SFPQ: variants seen among roughly 807,000 people sequenced by gnomAD.
SFPQ encodes the protein splicing factor, proline- and glutamine-rich.
Under a neutral mutation model 72.9 loss-of-function variants are expected in SFPQ, and 11 were observed. That is an observed-to-expected ratio of 0.15 (90% confidence interval 0.09 to 0.25). SFPQ has a LOEUF of 0.25. SFPQ is among the 10% of genes least tolerant of loss of function. SFPQ has a pLI of 1.00. For missense variants in SFPQ, 847 were observed against 993.3 expected (o/e 0.85, Z 1.98); for synonymous variants, 506 against 367.3 (o/e 1.38, Z -4.32).
Position 35,190,714 on chromosome 1 carries a change from T to C in SFPQ, c.1299A>G (p.Glu433=). Residue 433 remains glutamate (E), a synonymous_variant, in exon 3 of 10, where the codon GAA becomes GAG. Transcript: ENST00000357214. ...AARKAFERCS[E]GVFLLTTTPR... is the part of the protein sequence containing the mutation. Reference sequence around the variant, plus strand: ...CTTACGTCGTCAGTAAGAAAACACCTTCACTGCATCGTTCAAATGCCTTTC... The same window carrying C: ...CTTACGTCGTCAGTAAGAAAACACCCTCACTGCATCGTTCAAATGCCTTTC... 3 of 1,614,052 alleles carry C rather than the reference T, an allele frequency of 1.9e-6. No individual in the cohort carries two copies. The South Asian group carries it at 3.3e-5, about 18-fold the overall frequency.
downstream of SFPQ, chr1:35,178,495 A>T (rs112764313): frequency 9.4e-7 from 1 of 1,063,002 alleles, no homozygotes; most frequent in South Asian, 4.5e-5. Context: ...AGAGTGCCCA[A>T]CTCCCCTTCC....
chr1:35,190,426 G>T, intron 4 of SFPQ, 72 bp downstream of exon 4: 2 of 1,092,330 alleles, frequency 1.8e-6, no homozygotes, highest in Non-Finnish European at 2.7e-6. Context: ...AAGCAAAATT[G>T]GAAAATCACT....
chr1:35,178,012 ATCAG>A, downstream of SFPQ: 1 of 1,296,398 alleles, frequency 7.7e-7, no homozygotes, highest in Non-Finnish European at 1.0e-6. Flanking sequence ...GCACTCCAAT[ATCAG>A]CCAACATCAA....
Position 35,184,261 on chromosome 1 carries a change from GAAAA to G in SFPQ, c.*191_*194del, listed in dbSNP as rs1040360248. The G allele has an allele frequency of 1.6e-5, 22 of 1,343,758 alleles. No homozygotes were observed. The highest frequency in any genetic ancestry group is 1.9e-5 in the Non-Finnish European group (20 of 1,056,216). The allele number at this position is 1,343,758 out of a possible 1,614,324, so 83.2% of individuals were successfully genotyped here. On this transcript the variant is annotated 3_prime_UTR_variant, in exon 10 of 10. Coordinates refer to ENST00000357214, the MANE Select transcript of SFPQ (RefSeq NM_005066.3). ...AAAGAAAAAATAAAGAAATAAAAAGGAAAAAAAAATTCTCCTGTTCCAAACACTG... is the reference window on the plus strand; with the variant it reads ...AAAGAAAAAATAAAGAAATAAAAAGGAAAAATTCTCCTGTTCCAAACACTG...
downstream of SFPQ, chr1:35,178,181 A>G: frequency 9.4e-7 from 1 of 1,062,438 alleles, no homozygotes; most frequent in Non-Finnish European, 1.1e-6. Context: ...ATAGGAAGAA[A>G]CTTCATGGTG....
At chr1:35,179,461 A>G, downstream of SFPQ, 1 of 1,056,098 alleles carries the variant, frequency 9.5e-7, no homozygotes, top group South Asian at 4.6e-5. Flanking sequence ...TGAACCCAAG[A>G]CTGTTCTCAT....
At position 35,183,130 on chromosome 1, in the gene SFPQ, G is replaced by A; in HGVS notation, c.*1326C>T. ...AGAAGAGAACCAATAGATTTTTATA[G>A]TCCTATAGATTTTGCCCAACAGAAG... On this transcript the variant is annotated 3_prime_UTR_variant, in exon 10 of 10. Transcript: ENST00000357214. 1 of 1,026,736 alleles carries A rather than the reference G, an allele frequency of 9.7e-7. No individual in the cohort carries two copies. The allele number at this position is 1,026,736 out of a possible 1,614,324, so 63.6% of individuals were successfully genotyped here. A position where few individuals can be genotyped will look rare whatever the true frequency, so the allele number is the denominator to read the frequency against.
At chr1:35,181,698 G>A, downstream of SFPQ, 1 of 1,060,768 alleles carries the variant, frequency 9.4e-7, no homozygotes, top group Non-Finnish European at 1.1e-6. Flanking sequence ...GGGACAAGTG[G>A]TTTCTTTAAA....
intron 2 of SFPQ, 123 bp downstream of exon 2, chr1:35,191,218 G>T: frequency 1.1e-6 from 1 of 904,962 alleles, no homozygotes; most frequent in Non-Finnish European, 1.7e-6. Flanking sequence ...CTGTAAGAAT[G>T]GTGAAAAATC....
chr1:35,191,263 C>G, intron 2 of SFPQ, 78 bp downstream of exon 2: 1 of 1,231,076 alleles, frequency 8.1e-7, no homozygotes, highest in Non-Finnish European at 1.2e-6. Context: ...GTTTAAAAAC[C>G]AAGCCTTCAG....
chr1:35,180,530 G>C (rs967968668), downstream of SFPQ: 1 of 1,049,692 alleles, frequency 9.5e-7, no homozygotes, highest in African/African-American at 1.7e-5. Context: ...GACACATTTA[G>C]ACAAGTCCCA....
chr1:35,192,212 AG>A lies in SFPQ; in HGVS notation c.828+9del. 7.0e-7 allele frequency: 1 copy of A among 1,432,594 alleles called. No homozygotes were observed. Among genetic ancestry groups the A allele is most frequent in the East Asian group, 3.5e-5 (1 of 28,890 alleles). The allele number at this position is 1,432,594 out of a possible 1,614,324, so 88.7% of individuals were successfully genotyped here. On this transcript the variant is annotated intron_variant, in intron 1 of 9. Transcript: ENST00000357214. The stretch of plus-strand genomic sequence containing the variant: ...AGGGGAGCCGACGCGTCGCTCCCAT[AG>A]ACACTCACCTCCGAGTCCGAGATCT...
intron 7 of SFPQ, 40 bp from the exon 8 acceptor site, chr1:35,187,291 C>A (rs762469692): frequency 6.3e-7 from 1 of 1,576,266 alleles, no homozygotes; most frequent in East Asian, 2.2e-5. Context: ...CTGCACTATA[C>A]CCACAGCAAG....
In SFPQ at chr1:35,190,509, T is replaced by G. The variant is rs1460768892; in HGVS notation, c.1404A>C (p.Pro468=). The change falls in exon 4 of 10, where the codon CCA becomes CCC. Residue 468 remains proline, a synonymous_variant. Transcript: ENST00000357214. ...GLPEKLAQKN[P]MYQKERETPP... The stretch of plus-strand genomic sequence containing the variant: ...TTAATCAATCTTACTTTTGATACAT[T>G]GGATTCTTCTGGGCAAGTTTTTCAG... 1 of 1,609,350 alleles carries G rather than the reference T, an allele frequency of 6.2e-7. No homozygotes were observed.
At chr1:35,178,576 C>T (rs1639341097), downstream of SFPQ, 2 of 1,058,678 alleles carry the variant, frequency 1.9e-6, no homozygotes, top group South Asian at 9.1e-5. Flanking sequence ...CATCTAAGTC[C>T]TCACTGAGTT....
In SFPQ at chr1:35,192,229, T is replaced by G; in HGVS notation, c.821A>C (p.Asp274Ala). 1 of 1,458,624 alleles carries G rather than the reference T, an allele frequency of 6.9e-7. No homozygotes were observed. Among genetic ancestry groups the G allele is most frequent in the South Asian group, 1.3e-5 (1 of 76,542 alleles). 90.4% of individuals were successfully genotyped at this position (1,458,624 alleles called of 1,614,324 possible). Residue 274 changes from aspartate (D) to alanine (A), a missense_variant, in exon 1 of 10, where the codon GAC (aspartate) becomes GCC (alanine). Transcript: ENST00000357214. ...PGGRSEEKIS[D>A]SEGFKANLSL... ...GCTCCCATAGACACTCACCTCCGAG[T>G]CCGAGATCTTCTCCTCGCTGCGGCC...
chr1:35,189,990 G>C (rs779875783), intron 4 of SFPQ, among the ~76,000 whole-genome samples: 3 of 152,024 alleles, frequency 2.0e-5, no homozygotes, highest in Non-Finnish European at 4.4e-5. Context: ...AGCCAGGCAC[G>C]GTGCATCATG....
chr1:35,188,989 A>G lies in SFPQ; in HGVS notation c.1697+14T>C, dbSNP rs1301685760. Reference sequence around the variant, plus strand: ...AAAAATAAATGAAGGCTTAAACCTTAAACACAATTTTACCTCAATTGCATT... The same window carrying G: ...AAAAATAAATGAAGGCTTAAACCTTGAACACAATTTTACCTCAATTGCATT... On this transcript the variant is annotated intron_variant, in intron 6 of 9. Transcript: ENST00000357214. 2 of 1,600,460 alleles carry G rather than the reference A, an allele frequency of 1.2e-6. No homozygotes were observed. Among genetic ancestry groups the G allele is most frequent in the African/African-American group, 2.7e-5 (2 of 74,604 alleles).
chr1:35,192,384 C>A lies in SFPQ; in HGVS notation c.666G>T (p.Pro222=). The change falls in exon 1 of 10, where the codon CCG becomes CCT. Residue 222 remains proline, a synonymous_variant. Transcript: ENST00000357214. Reference sequence around the variant, plus strand: ...GGTGGCCGCCAGGCGTACTTAGGCCCGGGCCGCCACCTGGCTTCGGCCCGC... The same window carrying A: ...GGTGGCCGCCAGGCGTACTTAGGCCAGGGCCGCCACCTGGCTTCGGCCCGC... ...MPGGPKPGGG[P]GLSTPGGHPK... The A allele has an allele frequency of 7.1e-7, 1 of 1,409,230 alleles. No individual in the cohort carries two copies. The highest frequency in any genetic ancestry group is 9.2e-7 in the Non-Finnish European group (1 of 1,091,426). 87.3% of individuals were successfully genotyped at this position (1,409,230 alleles called of 1,614,324 possible).
Sources: allele counts gnomAD v4.1 joint callset (sites outside exome capture counted in the v4.1 genomes callset), GRCh38; gene constraint gnomAD v4.1.1; transcripts MANE v1.5; gene names NCBI Gene and HGNC (gene_info 2026-07-23, HGNC 2026-07-21).